OR51B5: variants seen among roughly 807,000 people sequenced by gnomAD.
OR51B5 encodes the protein olfactory receptor family 51 subfamily B member 5, also known as olfactory receptor 51B5.
For missense variants in OR51B5, 456 were observed against 374.6 expected (o/e 1.22, Z -1.79); for synonymous variants, 186 against 144.8 (o/e 1.28, Z -2.04).
intron 1 of OR51B5, among the ~76,000 whole-genome samples, chr11:5,498,222 C>T (rs920455524): frequency 1.3e-5 from 2 of 152,172 alleles, no homozygotes; most frequent in Non-Finnish European, 2.9e-5. Flanking sequence ...CTTCCCTAAA[C>T]CCCTTAGCTA....
chr11:5,411,834 T>C (rs895299947), intron 1 of OR51B5, among the ~76,000 whole-genome samples: 7 of 152,178 alleles, frequency 4.6e-5, no homozygotes, highest in Non-Finnish European at 1.0e-4. Flanking sequence ...AGCCTGAAGT[T>C]GCTGGCTTTG....
intron 1 of OR51B5, among the ~76,000 whole-genome samples, chr11:5,394,641 G>A (rs535875681): frequency 6.6e-6 from 1 of 152,284 alleles, no homozygotes; most frequent in South Asian, 2.1e-4. Flanking sequence ...TGACAACTCT[G>A]AGCCTTTGTA....
At chr11:5,440,814 T>C in intron 1 of OR51B5, 1 of 1,613,888 alleles carries the variant, frequency 6.2e-7, no homozygotes, top group Non-Finnish European at 8.5e-7. Context: ...GAGCCGCTGT[T>C]CCTGGGATAT....
At chr11:5,426,907 A>T (rs1850459258) in intron 1 of OR51B5, among the ~76,000 whole-genome samples, 1 of 152,250 alleles carries the variant, frequency 6.6e-6, no homozygotes, top group Non-Finnish European at 1.5e-5. Context: ...GTCAGTTGTC[A>T]TCACATCCAG....
chr11:5,423,124 CCTTT>C, intron 1 of OR51B5: 1 of 1,600,138 alleles, frequency 6.2e-7, no homozygotes, highest in Non-Finnish European at 8.5e-7. Flanking sequence ...TGTTAAATTT[CCTTT>C]CCCTCAAAAA....
intron 1 of OR51B5, among the ~76,000 whole-genome samples, chr11:5,452,665 T>C (rs1850875361): frequency 6.6e-6 from 1 of 152,070 alleles, no homozygotes; most frequent in African/African-American, 2.4e-5. Context: ...TTACTACCTG[T>C]TGTGAAGGTA....
At chr11:5,366,060 G>C (rs1174205884) in intron 1 of OR51B5, among the ~76,000 whole-genome samples, 1 of 131,644 alleles carries the variant, frequency 7.6e-6, no homozygotes, top group East Asian at 2.0e-4. Flanking sequence ...AGCATGTTTG[G>C]GGGCTGTTAA....
intron 1 of OR51B5, among the ~76,000 whole-genome samples, chr11:5,417,299 C>G (rs1464457170): frequency 4.7e-5 from 7 of 150,010 alleles, no homozygotes; most frequent in South Asian, 2.1e-4. Context: ...AAGACTTAAA[C>G]GTTAGACCTA....
chr11:5,396,616 T>C (rs1299242309), intron 1 of OR51B5, among the ~76,000 whole-genome samples: 2 of 151,874 alleles, frequency 1.3e-5, no homozygotes, highest in Non-Finnish European at 2.9e-5. Flanking sequence ...ATCGTGAAAA[T>C]GGCCATACTG....
Position 5,473,916 on chromosome 11 carries a change from G to A in OR51B5, n.84+31653C>T, listed in dbSNP as rs140691436. On this transcript the variant is annotated intron_variant and non_coding_transcript_variant, in intron 1 of 4. Transcript: ENST00000415970. ...ATGAGAATGGGGAGAGAGTGTGCAC[G>A]GGAAAGTACCTGTAGTTACTAGGAA... Among the ~76,000 whole-genome samples the A allele has an allele frequency of 8.5e-3, 1,292 of 151,704 alleles. 18 individuals are homozygous for A. The highest frequency in any genetic ancestry group is 0.03 in the African/African-American group (1,223 of 41,424).
chr11:5,505,465 G>A (rs940401291), intron 1 of OR51B5: 8 of 1,300,234 alleles, frequency 6.2e-6, no homozygotes, highest in Non-Finnish European at 8.1e-6. Flanking sequence ...AATGGGGAGT[G>A]GAGTGAGGGG....
chr11:5,423,230 T>G, intron 1 of OR51B5: 1 of 1,428,068 alleles, frequency 7.0e-7, no homozygotes, highest in Non-Finnish European at 9.2e-7. Context: ...ATTAGGAAAC[T>G]ATAAAATAAA....
chr11:5,378,833 G>A (rs1452297075), intron 1 of OR51B5, among the ~76,000 whole-genome samples: 1 of 150,246 alleles, frequency 6.7e-6, no homozygotes, highest in Non-Finnish European at 1.5e-5. Context: ...AGAGGATGTG[G>A]AGAAATAGGA....
chr11:5,365,091 C>G lies in OR51B5; in HGVS notation n.85-18181G>C, dbSNP rs1040699550. 2.6e-5 allele frequency among the ~76,000 whole-genome samples: 4 copies of G among 152,316 alleles called. No homozygotes were observed. In the East Asian group the frequency reaches 5.8e-4, roughly 22 times the overall value. On this transcript the variant is annotated intron_variant and non_coding_transcript_variant, in intron 1 of 4. Coordinates refer to the OR51B5 transcript ENST00000415970. ...AAAACCAAATGTGTCAATAATCATG[C>G]TTGTAATAACCTTGAATTCAAGTGG...
chr11:5,413,546 A>G (rs1024256338), intron 1 of OR51B5, among the ~76,000 whole-genome samples: 14 of 152,164 alleles, frequency 9.2e-5, no homozygotes, highest in Non-Finnish European at 1.8e-4. Flanking sequence ...AAAAATTTAG[A>G]TGAATGTATA....
At chr11:5,389,338 A>G in intron 1 of OR51B5, 1 of 1,493,862 alleles carries the variant, frequency 6.7e-7, no homozygotes, top group Non-Finnish European at 9.2e-7. Context: ...TGTGAATGTT[A>G]GTGAAGCTGA....
At chr11:5,492,260 A>G (rs550444553) in intron 1 of OR51B5, among the ~76,000 whole-genome samples, 31 of 151,904 alleles carry the variant, frequency 2.0e-4, no homozygotes, top group African/African-American at 6.3e-4. Context: ...ACTCACACAC[A>G]TTTTCTTGTA....
chr11:5,468,739 C>T (rs1302799576), intron 1 of OR51B5: 8 of 456,420 alleles, frequency 1.8e-5, no homozygotes, highest in South Asian at 1.1e-4. Flanking sequence ...CAATGGCCAG[C>T]ACAGAATGTA....
intron 1 of OR51B5, among the ~76,000 whole-genome samples, chr11:5,428,558 T>C (rs1589991741): frequency 8.1e-6 from 1 of 122,734 alleles, no homozygotes; most frequent in Admixed American, 7.8e-5. Flanking sequence ...TATATATAGA[T>C]ATGTTTTAGC....
Sources: gnomAD v4.1 joint callset for allele counts (sites outside exome capture counted in the v4.1 genomes callset) on GRCh38, gnomAD v4.1.1 for gene constraint, MANE v1.5 for transcripts, NCBI Gene and HGNC (gene_info 2026-07-23, HGNC 2026-07-21) for gene names.